LRIG3: variants seen among roughly 807,000 people sequenced by gnomAD.
LRIG3 encodes leucine-rich repeats and immunoglobulin-like domains protein 3.
In LRIG3, 76 loss-of-function variants were observed where a neutral mutation model predicts 114.5. The ratio of observed to expected loss-of-function variants is 0.66; its 90% CI spans 0.55 to 0.80. The LOEUF is 0.80. Among genes scored for constraint, LRIG3 ranks in the 30% least tolerant of loss-of-function variants. LRIG3 has a pLI of 0.00. For synonymous variants in LRIG3, 512 were observed against 519.8 expected (o/e 0.98, Z 0.20); for missense variants, 1,239 against 1,382.8 (o/e 0.90, Z 1.65).
At chr12:58,875,075 T>C (rs922497796) in intron 16 of LRIG3, among the ~76,000 whole-genome samples, 1 of 152,178 alleles carries the variant, frequency 6.6e-6, no homozygotes, top group Non-Finnish European at 1.5e-5. Flanking sequence ...CGATGACGCA[T>C]GTGTCTGGGA....
At chr12:58,894,274 A>G (rs1210708830) in intron 3 of LRIG3, among the ~76,000 whole-genome samples, 5 of 152,174 alleles carry the variant, frequency 3.3e-5, no homozygotes, top group Non-Finnish European at 7.4e-5. Flanking sequence ...TAGCACAAAA[A>G]TCCCTTACAA....
At chr12:58,873,835 A>G in intron 18 of LRIG3, 1 of 593,946 alleles carries the variant, frequency 1.7e-6, no homozygotes. Context: ...CTACCCAGAA[A>G]GCTCCTGAGG....
At chr12:58,875,865 C>A (rs999996806) in intron 16 of LRIG3, among the ~76,000 whole-genome samples, 11 of 152,132 alleles carry the variant, frequency 7.2e-5, no homozygotes, top group East Asian at 1.9e-4. Flanking sequence ...CATGGCAAAA[C>A]CCCATCTCTA....
chr12:58,894,465 G>C (rs561641873), intron 3 of LRIG3, among the ~76,000 whole-genome samples: 1 of 151,842 alleles, frequency 6.6e-6, no homozygotes, highest in African/African-American at 2.4e-5. Flanking sequence ...TAATAAAGGG[G>C]GCTAAAAATG....
chr12:58,896,930 T>G (rs1871664474), intron 3 of LRIG3, among the ~76,000 whole-genome samples: 1 of 152,208 alleles, frequency 6.6e-6, no homozygotes, highest in African/African-American at 2.4e-5. Flanking sequence ...AAGAAAACAC[T>G]ACATTCTGCA....
intron 3 of LRIG3, among the ~76,000 whole-genome samples, chr12:58,893,707 A>T (rs1871532708): frequency 6.6e-6 from 1 of 152,098 alleles, no homozygotes; most frequent in Non-Finnish European, 1.5e-5. Context: ...GCTCTAGGGG[A>T]CAGAAGTTTT....
intron 5 of LRIG3, among the ~76,000 whole-genome samples, chr12:58,889,668 G>A (rs763036119): frequency 1.3e-5 from 2 of 151,978 alleles, no homozygotes; most frequent in East Asian, 1.9e-4. Flanking sequence ...TGGAGTTGCC[G>A]GTATTATTCT....
chr12:58,895,536 T>C (rs1871610046), intron 3 of LRIG3, among the ~76,000 whole-genome samples: 1 of 150,920 alleles, frequency 6.6e-6, no homozygotes, highest in Admixed American at 6.6e-5. Flanking sequence ...GGGTGGAGAG[T>C]GGAGAAAGAA....
At chr12:58,889,812 C>T (rs550376282) in intron 5 of LRIG3, among the ~76,000 whole-genome samples, 184 bp downstream of exon 5, 4 of 151,954 alleles carry the variant, frequency 2.6e-5, no homozygotes, top group Non-Finnish European at 5.9e-5. Context: ...GCAGCTGGCA[C>T]GAGGTGACGA....
At chr12:58,885,053 A>G (rs975231151) in intron 10 of LRIG3, among the ~76,000 whole-genome samples, 3 of 152,132 alleles carry the variant, frequency 2.0e-5, no homozygotes, top group African/African-American at 7.2e-5. Context: ...CATTTCAGAA[A>G]TGTGTGCCAG....
At chr12:58,900,348 T>G (rs994839997) in intron 3 of LRIG3, among the ~76,000 whole-genome samples, 5 of 152,104 alleles carry the variant, frequency 3.3e-5, no homozygotes, top group Non-Finnish European at 5.9e-5. Flanking sequence ...TCCATTTGCT[T>G]GCAAAATTTG....
chr12:58,911,048 A>T (rs1390217988), intron 3 of LRIG3, among the ~76,000 whole-genome samples: 2 of 152,250 alleles, frequency 1.3e-5, no homozygotes, highest in South Asian at 2.1e-4. Flanking sequence ...AGAAAAATTT[A>T]AAAAACATAC....
intron 3 of LRIG3, among the ~76,000 whole-genome samples, chr12:58,911,247 G>A (rs1872264486): frequency 6.6e-6 from 1 of 152,158 alleles, no homozygotes. Flanking sequence ...GTCCCTAACT[G>A]AATTTGTCTC....
chr12:58,919,469 A>C (rs1592315386), intron 1 of LRIG3: 1 of 1,551,668 alleles, frequency 6.4e-7, no homozygotes, highest in East Asian at 2.4e-5. Flanking sequence ...GAACAACAGA[A>C]GTACGTCCAC....
At chr12:58,918,836 A>G (rs1872568936) in intron 1 of LRIG3, among the ~76,000 whole-genome samples, 1 of 152,232 alleles carries the variant, frequency 6.6e-6, no homozygotes, top group Non-Finnish European at 1.5e-5. Flanking sequence ...TTATTAAACT[A>G]AGGCTTATTA....
At chr12:58,910,769 G>A (rs533419641) in intron 3 of LRIG3, among the ~76,000 whole-genome samples, 80 of 152,168 alleles carry the variant, frequency 5.3e-4, no homozygotes, top group Non-Finnish European at 1.1e-3. Context: ...AACTAGCTCC[G>A]TTTAATAACC....
intron 1 of LRIG3, among the ~76,000 whole-genome samples, chr12:58,917,001 CA>C (rs1872503289): frequency 6.6e-6 from 1 of 152,092 alleles, no homozygotes; most frequent in African/African-American, 2.4e-5. Context: ...AGCTGAAAAA[CA>C]AAAAGCCAGG....
chr12:58,895,485 A>T (rs1269486983), intron 3 of LRIG3, among the ~76,000 whole-genome samples: 3 of 152,194 alleles, frequency 2.0e-5, no homozygotes, highest in Non-Finnish European at 4.4e-5. Flanking sequence ...CTTCCCTTAG[A>T]GGAAATGAAG....
At chr12:58,876,668 G>A in intron 15 of LRIG3, 65 bp from the exon 16 acceptor site, 1 of 1,556,882 alleles carries the variant, frequency 6.4e-7, no homozygotes, top group Non-Finnish European at 8.8e-7. Flanking sequence ...AGGCATCCCG[G>A]GTGAATGGCA....
Sources: gnomAD v4.1 joint callset for allele counts (sites outside exome capture counted in the v4.1 genomes callset) on GRCh38, gnomAD v4.1.1 for gene constraint, MANE v1.5 for transcripts, NCBI Gene and HGNC (gene_info 2026-07-23, HGNC 2026-07-21) for gene names.